RBPJ: variants seen among roughly 807,000 people sequenced by gnomAD.
RBPJ encodes the protein recombination signal binding protein for immunoglobulin kappa J region, also known as recombining binding protein suppressor of hairless.
In RBPJ, 9 loss-of-function variants were observed where a neutral mutation model predicts 67.8. The ratio of observed to expected loss-of-function variants is 0.13; its 90% CI spans 0.08 to 0.23. The LOEUF is 0.23. Ranked by LOEUF, RBPJ falls within the 10% of genes least tolerant of loss-of-function variation. RBPJ has a pLI of 1.00. For missense variants in RBPJ, 305 were observed against 595.6 expected, an observed-to-expected ratio of 0.51 and a Z score of 5.08; for synonymous variants, 198 against 203.3, an observed-to-expected ratio of 0.97 and a Z score of 0.22.
chr4:26,234,194 A>G (rs953188575), intron 1 of RBPJ, among the ~76,000 whole-genome samples: 1 of 152,244 alleles, frequency 6.6e-6, no homozygotes. Flanking sequence ...GTCATTTAGA[A>G]TATTGGACAG....
At chr4:26,244,313 G>A (rs1560226228) in intron 1 of RBPJ, among the ~76,000 whole-genome samples, 1 of 133,826 alleles carries the variant, frequency 7.5e-6, no homozygotes, top group African/African-American at 3.1e-5. Context: ...ACACATATGT[G>A]TGTATATGTA....
the RBPJ span, among the ~76,000 whole-genome samples, chr4:26,151,077 GA>G: frequency 6.6e-6 from 1 of 152,192 alleles, no homozygotes; most frequent in Non-Finnish European, 1.5e-5. Flanking sequence ...AGTGGAAATT[GA>G]GCAACACCAA....
At position 26,345,607 on chromosome 4, in the gene RBPJ, T is replaced by C. The variant is rs1560282060; in HGVS notation, c.20+24559T>C. The stretch of plus-strand genomic sequence containing the variant: ...ATTGTAAGTTTATATAGTTCCTACA[T>C]CCCTGGGGAGAGTAGTCTGTCCAAT... On this transcript the variant is annotated intron_variant, in intron 1 of 10. Transcript: ENST00000355476. Among the ~76,000 whole-genome samples, 3 of 152,314 alleles carry C rather than the reference T, an allele frequency of 2.0e-5. No homozygotes were observed. The East Asian group carries it at 5.8e-4, about 29-fold the overall frequency.
At chr4:26,177,903 T>G (rs73809223) in intron 1 of RBPJ, among the ~76,000 whole-genome samples, 1,945 of 152,368 alleles carry the variant, frequency 0.013, 51 homozygotes, top group African/African-American at 0.045. Context: ...TCGTACGTCA[T>G]ATGTGACTTT....
intron 1 of RBPJ, among the ~76,000 whole-genome samples, chr4:26,358,763 A>G (rs898567047): frequency 1.3e-5 from 2 of 152,070 alleles, no homozygotes; most frequent in Non-Finnish European, 1.5e-5. Flanking sequence ...AGCCTGGGTA[A>G]CAAAGCAAGA....
At chr4:26,399,844 A>G (rs1330645275) in intron 2 of RBPJ, among the ~76,000 whole-genome samples, 1 of 151,896 alleles carries the variant, frequency 6.6e-6, no homozygotes, top group Non-Finnish European at 1.5e-5. Flanking sequence ...ATGCCTGGCT[A>G]GTTTTTGTAT....
In RBPJ at chr4:26,270,401, GAAAGAAAGAAAGAAAGAAAGAA is replaced by G. The variant is rs1448822555; in HGVS notation, c.-166-92043_-166-92022del. On this transcript the variant is annotated intron_variant, in intron 1 of 4. Coordinates refer to the RBPJ transcript ENST00000512351. ...AGAAAGAAAGAAAGAAAGAAAGAAA[GAAAGAAAGAAAGAAAGAAAGAA>G]AGAAAGAAAGAAAGAAGAAAGAAAG... Among the ~76,000 whole-genome samples the G allele has an allele frequency of 3.7e-4, 22 of 59,924 alleles. 1 individual carries two copies. Among genetic ancestry groups the G allele is most frequent in the African/African-American group, 1.0e-3 (21 of 20,282 alleles). 39.3% of individuals were successfully genotyped at this position (59,924 alleles called of 152,430 possible).
chr4:26,384,059 CATGTCTCAA>C (rs1390809732), intron 1 of RBPJ: 2 of 152,070 alleles, frequency 1.3e-5, no homozygotes, highest in East Asian at 3.9e-4. Flanking sequence ...AGGGTTTCAC[CATGTCTCAA>C]ATTCCTGCAA....
chr4:26,204,057 G>A (rs1378676795), intron 1 of RBPJ, among the ~76,000 whole-genome samples: 2 of 152,076 alleles, frequency 1.3e-5, no homozygotes, highest in African/African-American at 4.8e-5. Flanking sequence ...CTATCCTCCC[G>A]CCTCAGCCTC....
At chr4:26,146,832 T>A in the RBPJ span, among the ~76,000 whole-genome samples, 1 of 152,230 alleles carries the variant, frequency 6.6e-6, no homozygotes, top group South Asian at 2.1e-4. Context: ...TTGAGCAATC[T>A]GAGCTCTGAA....
At chr4:26,382,683 G>C (rs1730445500) in intron 1 of RBPJ, among the ~76,000 whole-genome samples, 1 of 152,148 alleles carries the variant, frequency 6.6e-6, no homozygotes, top group South Asian at 2.1e-4. Context: ...TAGGACTACA[G>C]ACTCCAGCTG....
intron 1 of RBPJ, among the ~76,000 whole-genome samples, chr4:26,243,655 T>C (rs1719723444): frequency 2.0e-5 from 3 of 152,254 alleles, no homozygotes; most frequent in African/African-American, 7.2e-5. Flanking sequence ...GGGCTAATAA[T>C]TTAAATTTAG....
chr4:26,309,587 G>A (rs1000905483), intron 1 of RBPJ, among the ~76,000 whole-genome samples: 1 of 152,190 alleles, frequency 6.6e-6, no homozygotes, highest in Admixed American at 6.5e-5. Flanking sequence ...TGTGGTAGAA[G>A]TACTAGTGGT....
At chr4:26,248,536 G>C (rs748994221) in intron 1 of RBPJ, among the ~76,000 whole-genome samples, 25 of 152,122 alleles carry the variant, frequency 1.6e-4, no homozygotes, top group Non-Finnish European at 3.4e-4. Flanking sequence ...GAAGTCAAGA[G>C]TATTTGCTCT....
At chr4:26,278,423 G>T (rs1025533045) in intron 1 of RBPJ, among the ~76,000 whole-genome samples, 1 of 152,152 alleles carries the variant, frequency 6.6e-6, no homozygotes, top group Non-Finnish European at 1.5e-5. Context: ...GCTGATATCT[G>T]ATAGAAAAAA....
rs1269625892 is a variant in RBPJ at position 26,270,426 on chromosome 4, AAAGAAAGAAAG to A, written c.-166-92006_-166-91996del. Among the ~76,000 whole-genome samples, 551 of 58,390 alleles carry A rather than the reference AAAGAAAGAAAG, an allele frequency of 9.4e-3. 109 individuals carry two copies. The highest frequency in any genetic ancestry group is 0.024 in the Middle Eastern group (2 of 82). 38.3% of individuals were successfully genotyped at this position (58,390 alleles called of 152,430 possible). A position where few individuals can be genotyped will look rare whatever the true frequency, so the allele number is the denominator to read the frequency against. ...GAAAGAAAGAAAGAAAGAAAGAAAG[AAAGAAAGAAAG>A]AAGAAAGAAAGAAAGAAAGAAAAGA... is the stretch of plus-strand genomic sequence containing the variant. On this transcript the variant is annotated intron_variant, in intron 1 of 4. Transcript: ENST00000512351.
chr4:26,173,195 G>A (rs1455395195), intron 1 of RBPJ, among the ~76,000 whole-genome samples: 1 of 151,742 alleles, frequency 6.6e-6, no homozygotes, highest in Non-Finnish European at 1.5e-5. Flanking sequence ...GAGTGCAGTG[G>A]TACGATCTCG....
intron 1 of RBPJ, among the ~76,000 whole-genome samples, chr4:26,308,275 C>CA (rs543391606): frequency 0.016 from 2,136 of 130,192 alleles, 45 homozygotes; most frequent in African/African-American, 0.051. Context: ...GACTCCATCT[C>CA]AAAAAAAAAA....
chr4:26,320,941 A>G, upstream of RBPJ: 1 of 1,608,658 alleles, frequency 6.2e-7, no homozygotes, highest in Non-Finnish European at 8.5e-7. Flanking sequence ...AGGAGTGAGG[A>G]AAAAGGGAAG....
Sources: gnomAD v4.1 joint callset for allele counts (sites outside exome capture counted in the v4.1 genomes callset) on GRCh38, gnomAD v4.1.1 for gene constraint, MANE v1.5 for transcripts, NCBI Gene and HGNC (gene_info 2026-07-23, HGNC 2026-07-21) for gene names.